The following MICAL1 variants were observed in gnomAD, a reference collection of about 807,000 sequenced individuals.
The protein encoded by MICAL1 is microtubule associated monooxygenase, calponin and LIM domain containing 1, also known as [F-actin]-monooxygenase MICAL1.
Under a neutral mutation model 131.8 loss-of-function variants are expected in MICAL1, and 95 were observed. That is an observed-to-expected ratio of 0.72 (90% CI 0.61 to 0.86). The LOEUF (loss-of-function observed/expected upper bound fraction) is 0.86. Ranked by LOEUF, MICAL1 falls within the 40% of genes least tolerant of loss-of-function variation. The probability of loss-of-function intolerance (pLI) is 0.00; values close to 1 mark genes in which losing one functional copy is unlikely to be tolerated. For missense variants in MICAL1, 1,292 were observed against 1,380.6 expected (o/e 0.94, Z 1.02); for synonymous variants, 546 against 554.2 (o/e 0.99, Z 0.21).
At chr6:109,461,762 T>C (rs995652258) in intron 1 of MICAL1, among the ~76,000 whole-genome samples, 4 of 152,144 alleles carry the variant, frequency 2.6e-5, no homozygotes, top group Non-Finnish European at 4.4e-5. Flanking sequence ...AAATTACTTA[T>C]TTAATAAGAA....
At position 109,448,341 on chromosome 6, in the gene MICAL1, G is replaced by A. The variant is rs911112875; in HGVS notation, c.1717C>T (p.Leu573=). The change falls in exon 13 of 25, where the codon CTA becomes TTA. Residue 573 remains leucine (L), a synonymous_variant. Transcript: ENST00000358807. ...LGALEATAWA[L]KVAENELGIT... is the part of the protein sequence containing the mutation. ...CCCAGCTCATTCTCTGCCACCTTTA[G>A]TGCCCAAGCAGTTGCTTCCAGAGCT... 2 of 1,613,882 alleles carry A rather than the reference G, an allele frequency of 1.2e-6. No individual in the cohort carries two copies. Among genetic ancestry groups the A allele is most frequent in the Non-Finnish European group, 1.7e-6 (2 of 1,180,014 alleles).
At chr6:109,451,936 C>A in intron 6 of MICAL1, 1 of 1,390,698 alleles carries the variant, frequency 7.2e-7, no homozygotes, top group Non-Finnish European at 9.3e-7. Context: ...TTTGGGAGAC[C>A]TGCACCACCT....
upstream of MICAL1, among the ~76,000 whole-genome samples, chr6:109,457,665 C>T (rs1775790633): frequency 6.6e-6 from 1 of 152,120 alleles, no homozygotes; most frequent in Non-Finnish European, 1.5e-5. Flanking sequence ...ACTACAGCGG[C>T]TACAACTAGC....
chr6:109,457,888 A>G, upstream of MICAL1, among the ~76,000 whole-genome samples: 1 of 152,258 alleles, frequency 6.6e-6, no homozygotes, highest in African/African-American at 2.4e-5. Flanking sequence ...GCAGCAGGGA[A>G]TACATTGTTC....
intron 17 of MICAL1, 115 bp downstream of exon 17, chr6:109,446,958 G>C: frequency 1.5e-6 from 2 of 1,362,934 alleles, no homozygotes; most frequent in South Asian, 1.3e-5. Context: ...GAGCTCAGGA[G>C]AACGAAGTGC....
chr6:109,465,746 C>G (rs1582667385), exon 1 of MICAL1: 2 of 1,611,896 alleles, frequency 1.2e-6, no homozygotes, highest in African/African-American at 2.7e-5. Flanking sequence ...CTCACAGAAG[C>G]ATCTGCAAGT....
rs911112875 is a variant in MICAL1 at position 109,448,341 on chromosome 6, G to C, written c.1717C>G (p.Leu573Val). 1.2e-6 allele frequency: 2 copies of C among 1,614,000 alleles called. No homozygotes were observed. The highest frequency in any genetic ancestry group is 1.7e-6 in the Non-Finnish European group (2 of 1,180,006). Reference protein sequence around the residue: ...LGALEATAWALKVAENELGIT... With the variant: ...LGALEATAWAVKVAENELGIT... ...CCCAGCTCATTCTCTGCCACCTTTAGTGCCCAAGCAGTTGCTTCCAGAGCT... is the reference window on the plus strand; with the variant it reads ...CCCAGCTCATTCTCTGCCACCTTTACTGCCCAAGCAGTTGCTTCCAGAGCT... The change falls in exon 13 of 25, where the codon CTA (leucine) becomes GTA (valine). Residue 573 changes from leucine (L) to valine (V), a missense_variant. Leu to Val is a conservative substitution (Grantham distance 32). Coordinates refer to ENST00000358807, the MANE Select transcript of MICAL1 (RefSeq NM_022765.4).
At chr6:109,446,087 CTCCCACCCTG>C in intron 19 of MICAL1, 39 bp downstream of exon 19, 1 of 1,520,634 alleles carries the variant, frequency 6.6e-7, no homozygotes, top group Non-Finnish European at 8.8e-7. Flanking sequence ...GAAGCCAGTG[CTCCCACCCTG>C]TCCCACCCTG....
chr6:109,449,030 G>C, intron 11 of MICAL1, 151 bp from the exon 12 acceptor site: 1 of 982,866 alleles, frequency 1.0e-6, no homozygotes, highest in Non-Finnish European at 1.5e-6. Context: ...ACTATCAGCA[G>C]CTCTCCATCC....
At chr6:109,444,496 A>G (rs533690870) in intron 24 of MICAL1, among the ~76,000 whole-genome samples, 157 bp from the exon 25 acceptor site, 10 of 152,344 alleles carry the variant, frequency 6.6e-5, no homozygotes, top group Middle Eastern at 3.4e-3. Context: ...TTCTAGCACT[A>G]CTGAGCAGCA....
chr6:109,449,967 T>TA lies in MICAL1; in HGVS notation c.1307+2dup. On this transcript the variant is annotated splice_region_variant and intron_variant, in intron 9 of 24. Transcript: ENST00000358807. Reference sequence around the variant, plus strand: ...CCCACATCCTCCTCAACTCAGGTCTTACCGCTCAGCCAACACCTCTAGGGA... The same window carrying TA: ...CCCACATCCTCCTCAACTCAGGTCTTAACCGCTCAGCCAACACCTCTAGGGA... 6.2e-7 allele frequency: 1 copy of TA among 1,613,636 alleles called. No homozygotes were observed. Among genetic ancestry groups the TA allele is most frequent in the Non-Finnish European group, 8.5e-7 (1 of 1,179,736 alleles).
At chr6:109,456,146 C>G (rs890685911), upstream of MICAL1, among the ~76,000 whole-genome samples, 14 of 152,142 alleles carry the variant, frequency 9.2e-5, no homozygotes, top group African/African-American at 3.4e-4. Context: ...GGCTCCTTGC[C>G]GGTGCTTGCG....
Position 109,454,083 on chromosome 6 carries a change from C to T in MICAL1, c.114G>A (p.Gly38=), listed in dbSNP as rs754614028. 41 of 1,613,950 alleles carry T rather than the reference C, an allele frequency of 2.5e-5. 3 individuals are homozygous for T. In the South Asian group the frequency reaches 4.3e-4, roughly 17 times the overall value. The change falls in exon 2 of 25, where the codon GGG becomes GGA. Residue 38 remains glycine (G), a synonymous_variant. Transcript: ENST00000358807. ...GGGGCAGCCCCCCACCGGGTTCCAG[C>T]CCCAGGGCCCCACACAGCTCCTGGA... ...SSFQELCGAL[G]LEPGGGLPQY... is the part of the protein sequence containing the mutation.
chr6:109,457,170 C>A (rs190322858), upstream of MICAL1, among the ~76,000 whole-genome samples: 135 of 152,204 alleles, frequency 8.9e-4, no homozygotes, highest in African/African-American at 3.0e-3. Context: ...GGCAGTGGGA[C>A]GAAAGCAAGG....
intron 24 of MICAL1, 23 bp from the exon 25 acceptor site, chr6:109,444,362 A>C (rs1775111226): frequency 6.2e-7 from 1 of 1,613,194 alleles, no homozygotes; most frequent in Non-Finnish European, 8.5e-7. Flanking sequence ...GACAAAGCTT[A>C]GAGAACAGGG....
chr6:109,456,136 G>C (rs1775739077), upstream of MICAL1: 1 of 591,856 alleles, frequency 1.7e-6, no homozygotes, highest in African/African-American at 2.0e-5. Flanking sequence ...CCTCGGCCTG[G>C]GCTCCTTGCC....
intron 1 of MICAL1, chr6:109,454,590 G>A (rs1775673447): frequency 6.9e-6 from 2 of 290,086 alleles, no homozygotes; most frequent in African/African-American, 2.2e-5. Context: ...AGGGTGTGCG[G>A]GGATTTCTTA....
chr6:109,446,275 C>T lies in MICAL1; in HGVS notation c.2442G>A (p.Gln814=). 2 of 1,613,942 alleles carry T rather than the reference C, an allele frequency of 1.2e-6. No homozygotes were observed. The highest frequency in any genetic ancestry group is 1.1e-5 in the South Asian group (1 of 91,070). The change falls in exon 19 of 25, where the codon CAG becomes CAA. Residue 814 remains glutamine (Q), a synonymous_variant. Coordinates refer to ENST00000358807, the MANE Select transcript of MICAL1 (RefSeq NM_022765.4). The part of the protein sequence containing the change: ...RQIRLSSPER[Q]RLSSLNLTPD... ...GGGTAAGGTTAAGGGAGGACAACCG[C>T]TGGCGCTCCGGGCTGGAGAGGCGGA...
Position 109,448,789 on chromosome 6 carries a change from G to A in MICAL1, c.1607C>T (p.Ser536Phe). The A allele has an allele frequency of 1.2e-6, 2 of 1,614,098 alleles. No homozygotes were observed. The highest frequency in any genetic ancestry group is 1.7e-6 in the Non-Finnish European group (2 of 1,180,002). ...ACACAGAGCTAGCCCATCAGCCCAG[G>A]AGGAAGACAAATCGGAGACGTGGAC... Reference protein sequence around the residue: ...PGVHVSDLSSSWADGLALCAL... With the variant: ...PGVHVSDLSSFWADGLALCAL... Residue 536 changes from serine to phenylalanine, a missense_variant, in exon 12 of 25, where the codon TCC (serine) becomes TTC (phenylalanine). Transcript: ENST00000358807.
Sources: allele counts gnomAD v4.1 joint callset (sites outside exome capture counted in the v4.1 genomes callset), GRCh38; gene constraint gnomAD v4.1.1; transcripts MANE v1.5; gene names NCBI Gene and HGNC (gene_info 2026-07-23, HGNC 2026-07-21).